CALN1: variants seen among roughly 807,000 people sequenced by gnomAD.
CALN1 encodes calneuron 1.
In CALN1, 17 loss-of-function variants were observed where a neutral mutation model predicts 30.6. The ratio of observed to expected loss-of-function variants is 0.56; its 90% CI spans 0.38 to 0.83. CALN1 has a LOEUF of 0.83. Among genes scored for constraint, CALN1 ranks in the 40% least tolerant of loss-of-function variants. CALN1 has a pLI of 0.00. For missense variants in CALN1, 291 were observed against 354.9 expected (o/e 0.82, Z 1.45); for synonymous variants, 156 against 131.4 (o/e 1.19, Z -1.28).
In CALN1 at chr7:72,204,513, C is replaced by T. The variant is rs181412133; in HGVS notation, c.244+74173G>A. ...TTAACATTATAAAAACTATACTACA[C>T]ATTATACAATATACTATGTAATGTG... On this transcript the variant is annotated intron_variant, in intron 3 of 6. Transcript: ENST00000395275. Among the ~76,000 whole-genome samples, 182 of 152,264 alleles carry T rather than the reference C, an allele frequency of 1.2e-3. 1 individual carries two copies. The highest frequency in any genetic ancestry group is 4.1e-3 in the Admixed American group (62 of 15,290).
intron 5 of CALN1, among the ~76,000 whole-genome samples, chr7:71,917,971 A>G (rs1395894888): frequency 6.6e-6 from 1 of 152,232 alleles, no homozygotes; most frequent in Non-Finnish European, 1.5e-5. Context: ...ATCCAGAGTC[A>G]CGACCAAATG....
intron 5 of CALN1, among the ~76,000 whole-genome samples, chr7:71,894,486 C>T (rs1017292803): frequency 2.0e-5 from 3 of 152,158 alleles, no homozygotes; most frequent in African/African-American, 7.2e-5. Flanking sequence ...AGGTTGTTCT[C>T]AAACTCCTGG....
the CALN1 span, among the ~76,000 whole-genome samples, chr7:72,475,237 G>A: frequency 6.6e-6 from 1 of 152,134 alleles, no homozygotes; most frequent in Non-Finnish European, 1.5e-5. Context: ...GTCGAGGCGG[G>A]TGGATATCGA....
chr7:72,300,550 A>G (rs903141235), intron 2 of CALN1, among the ~76,000 whole-genome samples: 2 of 152,248 alleles, frequency 1.3e-5, no homozygotes, highest in Non-Finnish European at 2.9e-5. Context: ...CATCTTTATA[A>G]TGTACCACTA....
intron 2 of CALN1, chr7:72,337,005 C>G: frequency 1.0e-6 from 1 of 985,582 alleles, no homozygotes; most frequent in Non-Finnish European, 1.2e-6. Context: ...CCTCTGCTCT[C>G]GTCTGGGGAC....
rs553211724 is a variant in CALN1 at position 72,186,142 on chromosome 7, G to A, written c.245-79848C>T. Among the ~76,000 whole-genome samples the A allele has an allele frequency of 4.1e-4, 62 of 152,194 alleles. No homozygotes were observed. The South Asian group carries it at 0.01, about 25-fold the overall frequency. The stretch of plus-strand genomic sequence containing the variant: ...CTGGTCACCTCCAAAAGCAGGAAAA[G>A]GCAAGGAAAGGATTCTCCACTAGAG... On this transcript the variant is annotated intron_variant, in intron 3 of 6. Coordinates refer to ENST00000395275, the MANE Select transcript of CALN1 (RefSeq NM_031468.4).
chr7:72,205,194 T>C (rs1292292679), intron 3 of CALN1, among the ~76,000 whole-genome samples: 1 of 151,946 alleles, frequency 6.6e-6, no homozygotes, highest in South Asian at 2.1e-4. Flanking sequence ...TTTGTTTTTA[T>C]TTTTGCTTTT....
intron 5 of CALN1, among the ~76,000 whole-genome samples, chr7:72,016,056 C>A (rs879467527): frequency 1.3e-5 from 2 of 152,050 alleles, no homozygotes; most frequent in Non-Finnish European, 2.9e-5. Flanking sequence ...CCAGACCAGC[C>A]TGGCCAACAC....
chr7:72,048,025 GCTTCTT>G (rs758200175), intron 4 of CALN1, among the ~76,000 whole-genome samples: 1 of 145,844 alleles, frequency 6.9e-6, no homozygotes, highest in African/African-American at 2.6e-5. Context: ...CATTCATATT[GCTTCTT>G]CTTCTTCTTC....
At chr7:72,187,212 C>A (rs1225696390) in intron 3 of CALN1, among the ~76,000 whole-genome samples, 1 of 152,042 alleles carries the variant, frequency 6.6e-6, no homozygotes, top group Non-Finnish European at 1.5e-5. Flanking sequence ...GAAAAAGATT[C>A]CTGGGTGTCT....
At chr7:72,197,037 A>T (rs1317328765) in intron 3 of CALN1, among the ~76,000 whole-genome samples, 1 of 152,132 alleles carries the variant, frequency 6.6e-6, no homozygotes, top group Non-Finnish European at 1.5e-5. Context: ...ATGCACTTAA[A>T]ACTATGAAAT....
At chr7:72,357,159 C>A (rs781435501) in intron 2 of CALN1, among the ~76,000 whole-genome samples, 1 of 151,940 alleles carries the variant, frequency 6.6e-6, no homozygotes, top group Non-Finnish European at 1.5e-5. Context: ...GGAATACTTG[C>A]CAGATAGAAT....
At chr7:71,810,310 G>C in intron 6 of CALN1, 26 bp downstream of exon 6, 1 of 1,610,888 alleles carries the variant, frequency 6.2e-7, no homozygotes, top group Non-Finnish European at 8.5e-7. Context: ...CCGGACCGGG[G>C]AGGGGATGGC....
intron 4 of CALN1, among the ~76,000 whole-genome samples, chr7:72,083,101 T>C (rs1295002516): frequency 2.3e-4 from 35 of 151,770 alleles, no homozygotes; most frequent in Admixed American, 2.3e-3. Context: ...CTCGGGAGAC[T>C]GAGGTGGGAG....
At chr7:72,453,308 A>G in the CALN1 span, among the ~76,000 whole-genome samples, 4 of 152,226 alleles carry the variant, frequency 2.6e-5, no homozygotes, top group Non-Finnish European at 5.9e-5. Flanking sequence ...CAGTGTGTGG[A>G]GAGTATCAGC....
chr7:72,024,392 G>T (rs538528171), intron 4 of CALN1, among the ~76,000 whole-genome samples: 3 of 152,080 alleles, frequency 2.0e-5, no homozygotes, highest in African/African-American at 7.2e-5. Flanking sequence ...TTCTATATTT[G>T]AACAGCACTT....
At chr7:72,069,344 C>A (rs1804238024) in intron 4 of CALN1, among the ~76,000 whole-genome samples, 1 of 152,192 alleles carries the variant, frequency 6.6e-6, no homozygotes, top group South Asian at 2.1e-4. Context: ...AGCCAAGTAT[C>A]ACCCACCTGG....
intron 2 of CALN1, among the ~76,000 whole-genome samples, chr7:72,328,098 G>A (rs1028541048): frequency 6.7e-6 from 1 of 148,652 alleles, no homozygotes; most frequent in South Asian, 2.1e-4. Context: ...TTTCTGTATA[G>A]CTTTTAATTT....
At chr7:72,306,756 G>C (rs1271172144) in intron 2 of CALN1, among the ~76,000 whole-genome samples, 1 of 152,096 alleles carries the variant, frequency 6.6e-6, no homozygotes, top group South Asian at 2.1e-4. Flanking sequence ...AAATGTATTT[G>C]ATTGATGTCT....
Sources: allele counts gnomAD v4.1 joint callset (sites outside exome capture counted in the v4.1 genomes callset), GRCh38; gene constraint gnomAD v4.1.1; transcripts MANE v1.5; gene names NCBI Gene and HGNC (gene_info 2026-07-23, HGNC 2026-07-21).